CFAP46: variants seen among roughly 807,000 people sequenced by gnomAD.
The protein encoded by CFAP46 is cilia- and flagella-associated protein 46.
A neutral mutation model predicts 325.7 loss-of-function variants in CFAP46; 245 were observed. The ratio of observed to expected loss-of-function variants is 0.75; its 90% CI spans 0.68 to 0.84. The LOEUF (loss-of-function observed/expected upper bound fraction) is 0.84. Among genes scored for constraint, CFAP46 ranks in the 40% least tolerant of loss-of-function variants. The probability of loss-of-function intolerance (pLI) is 0.00; values close to 1 mark genes in which losing one functional copy is unlikely to be tolerated. For synonymous variants in CFAP46, 1,523 were observed against 1,495.9 expected (o/e 1.02, Z -0.42); for missense variants, 3,346 against 3,543.0 (o/e 0.94, Z 1.41).
At chr10:132,823,466 G>T (rs1490253410) in intron 50 of CFAP46, among the ~76,000 whole-genome samples, 1 of 139,424 alleles carries the variant, frequency 7.2e-6, no homozygotes, top group Non-Finnish European at 1.5e-5. Flanking sequence ...TGTGTGTGCT[G>T]TGTGAGTGCT....
At chr10:132,861,120 G>T in intron 35 of CFAP46, 138 bp from the exon 36 acceptor site, 1 of 878,104 alleles carries the variant, frequency 1.1e-6, no homozygotes, top group Non-Finnish European at 1.7e-6. Context: ...GGAAGACAGG[G>T]CTGCTCACTC....
intron 50 of CFAP46, among the ~76,000 whole-genome samples, chr10:132,829,083 C>CAAA (rs58493058): frequency 5.1e-5 from 6 of 118,518 alleles, no homozygotes; most frequent in African/African-American, 9.9e-5. Flanking sequence ...TTAACTTCTA[C>CAAA]AAAAAAAAAA....
chr10:132,818,195 C>T (rs534499918), intron 50 of CFAP46, among the ~76,000 whole-genome samples: 18 of 152,258 alleles, frequency 1.2e-4, no homozygotes, highest in African/African-American at 3.4e-4. Context: ...ACAGTGGTGG[C>T]CGCGCCGGGC....
At chr10:132,918,626 C>T (rs1034862669) in intron 15 of CFAP46, 106 bp from the exon 16 acceptor site, 74 of 1,369,676 alleles carry the variant, frequency 5.4e-5, no homozygotes, top group South Asian at 6.7e-5. Context: ...TCCCCAGCTC[C>T]GTGTAGGGTC....
At chr10:132,870,833 G>A (rs1446325304) in intron 32 of CFAP46, among the ~76,000 whole-genome samples, 1 of 149,132 alleles carries the variant, frequency 6.7e-6, no homozygotes, top group Non-Finnish European at 1.5e-5. Flanking sequence ...CAGCTAATAA[G>A]AGCATGGATG....
Position 132,909,561 on chromosome 10 carries a change from C to T in CFAP46, c.2650-317G>A, listed in dbSNP as rs114290640. 9.2e-3 allele frequency among the ~76,000 whole-genome samples: 1,397 copies of T among 152,266 alleles called. 18 individuals are homozygous for T. Among genetic ancestry groups the T allele is most frequent in the African/African-American group, 0.03 (1,239 of 41,562 alleles). On this transcript the variant is annotated intron_variant, in intron 20 of 57. Transcript: ENST00000368586. ...GGCAGGTCAACACCTGGACCCTCCCCGCCTCCCTGGGCCCCACTAGGGCCT... is the reference window on the plus strand; with the variant it reads ...GGCAGGTCAACACCTGGACCCTCCCTGCCTCCCTGGGCCCCACTAGGGCCT...
At chr10:132,868,622 G>A (rs1848852011) in intron 33 of CFAP46, among the ~76,000 whole-genome samples, 1 of 152,230 alleles carries the variant, frequency 6.6e-6, no homozygotes, top group South Asian at 2.1e-4. Flanking sequence ...GGCCGGAAGA[G>A]CATGAGTGAA....
chr10:132,822,580 C>T (rs1239808736), intron 50 of CFAP46, among the ~76,000 whole-genome samples: 1 of 108,910 alleles, frequency 9.2e-6, no homozygotes, highest in East Asian at 3.0e-4. Flanking sequence ...TGTGTGTGTG[C>T]TGTGTGCTGT....
In CFAP46 at chr10:132,840,392, A is replaced by AC. The variant is rs376708735; in HGVS notation, c.6439-3479dup. 1.7e-3 allele frequency among the ~76,000 whole-genome samples: 261 copies of AC among 152,060 alleles called. 1 individual carries two copies. Among genetic ancestry groups the AC allele is most frequent in the African/African-American group, 6.0e-3 (249 of 41,478 alleles). ...TCCATTTCATTGTCTTCTCTTTGGA[A>AC]CCAACTTGTGCCTTGGATTTCCTCT... On this transcript the variant is annotated intron_variant, in intron 44 of 57. Transcript: ENST00000368586.
chr10:132,875,018 T>C (rs1371766757), intron 31 of CFAP46, among the ~76,000 whole-genome samples: 1 of 152,142 alleles, frequency 6.6e-6, no homozygotes, highest in Non-Finnish European at 1.5e-5. Flanking sequence ...AAATCCAAAA[T>C]AATCTACAGA....
chr10:132,879,699 C>T, intron 28 of CFAP46, 68 bp from the exon 29 acceptor site: 4 of 1,408,940 alleles, frequency 2.8e-6, no homozygotes, highest in Admixed American at 2.9e-5. Flanking sequence ...AGGCCACTCC[C>T]TTCCCTGCCC....
intron 31 of CFAP46, among the ~76,000 whole-genome samples, chr10:132,874,226 C>A (rs1271892620): frequency 6.6e-6 from 1 of 152,222 alleles, no homozygotes; most frequent in East Asian, 1.9e-4. Context: ...GATGCACACA[C>A]CCCGGAAACA....
In CFAP46 at chr10:132,913,158, C is replaced by T. The variant is rs1229486867; in HGVS notation, c.2221G>A (p.Val741Met). ...TGGTTGTGGTTCAGGACGTAGACCA[C>T]GGCGTTCTGCACAATCCACGCCTCC... ...IQEAWIVQNA[V>M]VYVLNHNHHL... The change falls in exon 18 of 58, where the codon GTG becomes ATG. Residue 741 changes from valine to methionine, a missense_variant. Physicochemically the swap from Val to Met is conservative, Grantham distance 21. Coordinates refer to ENST00000368586, the MANE Select transcript of CFAP46 (RefSeq NM_001200049.3). 228 of 1,550,328 alleles carry T rather than the reference C, an allele frequency of 1.5e-4. No homozygotes were observed. The highest frequency in any genetic ancestry group is 1.8e-4 in the Non-Finnish European group (212 of 1,147,002).
intron 29 of CFAP46, 62 bp from the exon 30 acceptor site, chr10:132,878,149 C>T (rs1164768332): frequency 3.4e-6 from 5 of 1,460,836 alleles, no homozygotes; most frequent in Non-Finnish European, 4.7e-6. Context: ...ACTCTGCCCA[C>T]CCTCCACTCC....
rs372028547 is a variant in CFAP46 at position 132,843,586 on chromosome 10, G to A, written c.6438+2471C>T. Among the ~76,000 whole-genome samples, 198 of 132,720 alleles carry A rather than the reference G, an allele frequency of 1.5e-3. 1 individual carries two copies. Among genetic ancestry groups the A allele is most frequent in the South Asian group, 9.5e-3 (35 of 3,666 alleles). 87.1% of individuals were successfully genotyped at this position (132,720 alleles called of 152,430 possible). A position where few individuals can be genotyped will look rare whatever the true frequency, so the allele number is the denominator to read the frequency against. ...CAGGGTGCCATGGGGCTCTGGTCTC[G>A]GTGGGTGTTCCCAGGGTGCCATGGG... is the stretch of plus-strand genomic sequence containing the variant. On this transcript the variant is annotated intron_variant, in intron 44 of 57. Coordinates refer to ENST00000368586, the MANE Select transcript of CFAP46 (RefSeq NM_001200049.3).
At chr10:132,819,651 T>C (rs1255097264) in intron 50 of CFAP46, among the ~76,000 whole-genome samples, 2 of 152,246 alleles carry the variant, frequency 1.3e-5, no homozygotes, top group East Asian at 3.8e-4. Context: ...AATGACGGTC[T>C]CGTCAATAAA....
chr10:132,873,400 T>A (rs1275341618), intron 31 of CFAP46, among the ~76,000 whole-genome samples: 1 of 151,928 alleles, frequency 6.6e-6, no homozygotes, highest in Non-Finnish European at 1.5e-5. Context: ...AGCCTGGCTA[T>A]CAGGCACTGA....
At chr10:132,834,858 G>C in intron 47 of CFAP46, 83 bp from the exon 48 acceptor site, 2 of 1,497,546 alleles carry the variant, frequency 1.3e-6, no homozygotes, top group Non-Finnish European at 1.8e-6. Flanking sequence ...CTGCAGAAAG[G>C]CCGAGCTCCT....
chr10:132,859,662 C>T (rs2135220096), intron 37 of CFAP46, among the ~76,000 whole-genome samples: 1 of 152,304 alleles, frequency 6.6e-6, no homozygotes, highest in East Asian at 1.9e-4. Flanking sequence ...GAGGCCGCCG[C>T]CCCGGAGCAG....
Sources: gnomAD v4.1 joint callset for allele counts (sites outside exome capture counted in the v4.1 genomes callset) on GRCh38, gnomAD v4.1.1 for gene constraint, MANE v1.5 for transcripts, NCBI Gene and HGNC (gene_info 2026-07-23, HGNC 2026-07-21) for gene names.